CPO: variants seen among roughly 807,000 people sequenced by gnomAD.
The protein encoded by CPO is carboxypeptidase O.
Under a neutral mutation model 41.2 loss-of-function variants are expected in CPO, and 43 were observed. That is an observed-to-expected ratio of 1.04 (90% CI 0.82 to 1.35). CPO has a LOEUF of 1.35. CPO is among the 40% of genes most tolerant of loss of function. The pLI is 0.00. For missense variants in CPO, 408 were observed against 451.7 expected (o/e 0.90, Z 0.88); for synonymous variants, 178 against 162.7 (o/e 1.09, Z -0.72).
intron 7 of CPO, among the ~76,000 whole-genome samples, chr2:206,967,979 G>A (rs1693617119): frequency 6.6e-6 from 1 of 152,216 alleles, no homozygotes; most frequent in Non-Finnish European, 1.5e-5. Context: ...GTTTTAGAGA[G>A]GGAATATCAG....
At chr2:206,945,686 G>A (rs1456678484) in intron 1 of CPO, among the ~76,000 whole-genome samples, 1 of 152,136 alleles carries the variant, frequency 6.6e-6, no homozygotes, top group African/African-American at 2.4e-5. Flanking sequence ...CTGGCAAAGA[G>A]GAGGCACTGA....
intron 7 of CPO, among the ~76,000 whole-genome samples, chr2:206,967,797 CT>C (rs1056365005): frequency 6.6e-6 from 1 of 152,138 alleles, no homozygotes; most frequent in African/African-American, 2.4e-5. Context: ...CTCTTGAAGA[CT>C]TTTCCACAGG....
chr2:206,943,605 GA>G (rs11418160), intron 1 of CPO, among the ~76,000 whole-genome samples: 13 of 128,710 alleles, frequency 1.0e-4, no homozygotes, highest in Admixed American at 4.6e-4. Flanking sequence ...AAGTCTTCAG[GA>G]AAAAAAAAAC....
In CPO at chr2:206,943,662, AAGAT is replaced by A. The variant is rs1196616321; in HGVS notation, c.68+4004_68+4007del. ...TAAGAATTATTGTTACGATCAAATG[AAGAT>A]AGATAGATGATAGATAGATAGATAG... On this transcript the variant is annotated intron_variant, in intron 1 of 8. Transcript: ENST00000272852. Among the ~76,000 whole-genome samples, 10 of 134,042 alleles carry A rather than the reference AAGAT, an allele frequency of 7.5e-5. No homozygotes were observed. The South Asian group carries it at 9.5e-4, about 13-fold the overall frequency. 87.9% of individuals were successfully genotyped at this position (134,042 alleles called of 152,430 possible). A position where few individuals can be genotyped will look rare whatever the true frequency, so the allele number is the denominator to read the frequency against.
chr2:206,943,702 A>AATGGATAGAT (rs374049947), intron 1 of CPO, among the ~76,000 whole-genome samples: 11 of 141,840 alleles, frequency 7.8e-5, no homozygotes, highest in South Asian at 2.2e-4. Context: ...ATAGATAGAT[A>AATGGATAGAT]GATAGATAGA....
At chr2:206,954,325 A>G (rs527345467) in intron 2 of CPO, among the ~76,000 whole-genome samples, 1 of 152,216 alleles carries the variant, frequency 6.6e-6, no homozygotes, top group South Asian at 2.1e-4. Flanking sequence ...CAGATACCCT[A>G]AATTATCTCT....
intron 1 of CPO, among the ~76,000 whole-genome samples, chr2:206,943,953 G>A (rs1273365381): frequency 9.2e-5 from 14 of 152,024 alleles, no homozygotes; most frequent in Admixed American, 9.2e-4. Flanking sequence ...TAGTTAATCA[G>A]GCACTAGCTT....
chr2:206,967,376 T>C (rs1056291250), intron 7 of CPO, among the ~76,000 whole-genome samples: 7 of 147,914 alleles, frequency 4.7e-5, no homozygotes, highest in African/African-American at 1.7e-4. Context: ...GATATAGATA[T>C]AGATATAGAT....
At position 206,961,455 on chromosome 2, in the gene CPO, C is replaced by CT. The variant is rs1693476658; in HGVS notation, c.574+515dup. Among the ~76,000 whole-genome samples, 3 of 152,064 alleles carry CT rather than the reference C, an allele frequency of 2.0e-5. No homozygotes were observed. The South Asian group carries it at 6.2e-4, about 32-fold the overall frequency. The stretch of plus-strand genomic sequence containing the variant: ...AATTGAGACTTGGCAGCTGTGTGGT[C>CT]TTGAAAAAATTGCTTCATCTCTCTG... On this transcript the variant is annotated intron_variant, in intron 6 of 8. Coordinates refer to ENST00000272852, the MANE Select transcript of CPO (RefSeq NM_173077.3).
intron 6 of CPO, among the ~76,000 whole-genome samples, chr2:206,961,424 G>C (rs933260864): frequency 1.3e-5 from 2 of 152,120 alleles, no homozygotes; most frequent in Non-Finnish European, 2.9e-5. Context: ...AGATGGGAAG[G>C]GTTAAAATTG....
At chr2:206,960,647 TG>T (rs1190841533) in intron 5 of CPO, among the ~76,000 whole-genome samples, 2 of 152,232 alleles carry the variant, frequency 1.3e-5, no homozygotes, top group African/African-American at 4.8e-5. Context: ...TGTATACTTT[TG>T]GTTGTACAGA....
intron 1 of CPO, 60 bp downstream of exon 1, chr2:206,939,727 G>C (rs1692994836): frequency 6.8e-7 from 1 of 1,477,084 alleles, no homozygotes; most frequent in African/African-American, 1.4e-5. Flanking sequence ...AAATTGAATG[G>C]TTTCTTTTTA....
intron 7 of CPO, among the ~76,000 whole-genome samples, chr2:206,964,322 G>GT: frequency 6.6e-6 from 1 of 152,230 alleles, no homozygotes; most frequent in Admixed American, 6.5e-5. Flanking sequence ...TGATCATTTT[G>GT]TAACATGTGG....
At chr2:206,967,134 G>A (rs879589139) in intron 7 of CPO, among the ~76,000 whole-genome samples, 7 of 151,934 alleles carry the variant, frequency 4.6e-5, no homozygotes, top group East Asian at 1.9e-4. Context: ...TATTCCGTCC[G>A]ACAGGTAGAA....
At chr2:206,955,330 T>G in intron 2 of CPO, 133 bp from the exon 3 acceptor site, 2 of 671,316 alleles carry the variant, frequency 3.0e-6, no homozygotes, top group South Asian at 3.6e-5. Flanking sequence ...TCTGTTTCTT[T>G]TACCACACAG....
intron 1 of CPO, among the ~76,000 whole-genome samples, chr2:206,949,330 A>T (rs1204714228): frequency 6.6e-6 from 1 of 152,190 alleles, no homozygotes; most frequent in Non-Finnish European, 1.5e-5. Flanking sequence ...TTCATATACA[A>T]ATTTTAAAGT....
Position 206,943,998 on chromosome 2 carries a change from T to C in CPO, c.68+4331T>C, listed in dbSNP as rs1423545602. Among the ~76,000 whole-genome samples, 4 of 152,024 alleles carry C rather than the reference T, an allele frequency of 2.6e-5. No homozygotes were observed. The East Asian group carries it at 7.7e-4, about 29-fold the overall frequency. ...CATGCCTTGTTATTTAATGACAAAG[T>C]TTTTTTGCTTTTGATGTGTTTATGT... On this transcript the variant is annotated intron_variant, in intron 1 of 8. Transcript: ENST00000272852.
chr2:206,943,681 TA>T (rs747326194), intron 1 of CPO, among the ~76,000 whole-genome samples: 9 of 96,036 alleles, frequency 9.4e-5, no homozygotes, highest in African/African-American at 3.6e-4. Flanking sequence ...AGATGATAGA[TA>T]GATAGATAGA....
intron 1 of CPO, among the ~76,000 whole-genome samples, chr2:206,944,103 A>G (rs1006714134): frequency 1.3e-5 from 2 of 152,064 alleles, no homozygotes; most frequent in East Asian, 3.9e-4. Context: ...CTACTTTTGC[A>G]TAGAGTAGTA....
Sources: gnomAD v4.1 joint callset for allele counts (sites outside exome capture counted in the v4.1 genomes callset) on GRCh38, gnomAD v4.1.1 for gene constraint, MANE v1.5 for transcripts, NCBI Gene and HGNC (gene_info 2026-07-23, HGNC 2026-07-21) for gene names.